Variants in CTCFL observed in about 807,000 individuals in gnomAD.
CTCFL encodes the protein CCCTC-binding factor like.
A neutral mutation model predicts 67.4 loss-of-function variants in CTCFL; 36 were observed. That is an observed-to-expected ratio of 0.53 (90% confidence interval 0.41 to 0.71). CTCFL has a LOEUF of 0.71. CTCFL is among the 30% of genes least tolerant of loss of function. The probability of loss-of-function intolerance (pLI) is 0.00; values close to 1 mark genes in which losing one functional copy is unlikely to be tolerated. For synonymous variants in CTCFL, 324 were observed against 302.3 expected (o/e 1.07, Z -0.75); for missense variants, 786 against 835.2 (o/e 0.94, Z 0.73).
At chr20:57,525,286 A>AC (rs1408578802), upstream of CTCFL, 2 of 91,820 alleles carry the variant, frequency 2.2e-5, no homozygotes, top group Non-Finnish European at 4.3e-5. Flanking sequence ...GATGAGGAGG[A>AC]CCCCAGAGGG....
intron 3 of CTCFL, 49 bp from the exon 4 acceptor site, chr20:57,519,426 T>C: frequency 6.5e-7 from 1 of 1,528,244 alleles, no homozygotes; most frequent in Non-Finnish European, 9.0e-7. Context: ...CAAATTCCAT[T>C]TAAATACTTG....
At position 57,514,744 on chromosome 20, in the gene CTCFL, G is replaced by A. The variant is rs763493183; in HGVS notation, c.1181-3C>T. 2.5e-6 allele frequency: 4 copies of A among 1,613,752 alleles called. No individual in the cohort carries two copies. Among genetic ancestry groups the A allele is most frequent in the Middle Eastern group, 1.6e-4 (1 of 6,062 alleles). ...GTGGCATTCGTAAGGCTTCTCACCTGAGATGCAGACAACAAAGTGATTCCC... is the reference window on the plus strand; with the variant it reads ...GTGGCATTCGTAAGGCTTCTCACCTAAGATGCAGACAACAAAGTGATTCCC... On this transcript the variant is annotated splice_region_variant and splice_polypyrimidine_tract_variant and intron_variant, in intron 6 of 10. Transcript: ENST00000243914.
chr20:57,520,280 A>G (rs1054998342), intron 3 of CTCFL, among the ~76,000 whole-genome samples: 3 of 152,214 alleles, frequency 2.0e-5, no homozygotes, highest in Non-Finnish European at 4.4e-5. Context: ...AGATAACAGT[A>G]AAAAGAACCA....
intron 6 of CTCFL, chr20:57,515,023 G>T: frequency 2.4e-6 from 1 of 412,326 alleles, no homozygotes; most frequent in Non-Finnish European, 4.3e-6. Flanking sequence ...TAACCAAGAA[G>T]TACACATAAA....
chr20:57,524,329 C>T (rs551235133), intron 1 of CTCFL, 113 bp from the exon 2 acceptor site: 2 of 1,505,410 alleles, frequency 1.3e-6, no homozygotes, highest in East Asian at 4.5e-5. Context: ...AAGGTCTGGC[C>T]TCAAAAGGTT....
In CTCFL at chr20:57,523,927, C is replaced by T. The variant is rs550216801; in HGVS notation, c.279G>A (p.Glu93=). The T allele has an allele frequency of 2.4e-5, 39 of 1,613,152 alleles. No homozygotes were observed. The highest frequency in any genetic ancestry group is 8.3e-5 in the Admixed American group (5 of 60,024). The part of the protein sequence containing the change: ...QTVHFTSEAV[E]LQDMSLLSIQ... Reference sequence around the variant, plus strand: ...TGCTCAGCAAGCTCATATCCTGCAACTCCACAGCTTCAGAAGTGAAGTGCA... The same window carrying T: ...TGCTCAGCAAGCTCATATCCTGCAATTCCACAGCTTCAGAAGTGAAGTGCA... The change falls in exon 2 of 11, where the codon GAG becomes GAA. Residue 93 remains glutamate, a synonymous_variant. Transcript: ENST00000243914.
Position 57,497,929 on chromosome 20 carries a change from T to C in CTCFL, c.*621A>G, listed in dbSNP as rs2067749735. ...CTTATTTTCTAGTCTAATCTAGTAT[T>C]TCATTTCCTACTCAGTTTTCCTTTT... is the stretch of plus-strand genomic sequence containing the variant. On this transcript the variant is annotated 3_prime_UTR_variant, in exon 11 of 11. Coordinates refer to ENST00000243914, the MANE Select transcript of CTCFL (RefSeq NM_001386993.1). 8 of 950,500 alleles carry C rather than the reference T, an allele frequency of 8.4e-6. No individual in the cohort carries two copies. The highest frequency in any genetic ancestry group is 5.3e-5 in the African/African-American group (3 of 56,294). 58.9% of individuals were successfully genotyped at this position (950,500 alleles called of 1,614,324 possible). A position where few individuals can be genotyped will look rare whatever the true frequency, so the allele number is the denominator to read the frequency against.
chr20:57,502,180 G>T (rs118121967), intron 10 of CTCFL, among the ~76,000 whole-genome samples: 40 of 152,326 alleles, frequency 2.6e-4, no homozygotes, highest in Non-Finnish European at 4.6e-4. Context: ...CAGGCCGGGG[G>T]CACACCCAGG....
chr20:57,514,895 A>AG, intron 6 of CTCFL, 154 bp from the exon 7 acceptor site: 1 of 706,240 alleles, frequency 1.4e-6, no homozygotes, highest in Non-Finnish European at 2.3e-6. Context: ...TCCCAAATCA[A>AG]GCCCAGACAG....
At chr20:57,509,454 G>T (rs898459909) in intron 8 of CTCFL, among the ~76,000 whole-genome samples, 4 of 151,754 alleles carry the variant, frequency 2.6e-5, no homozygotes, top group Non-Finnish European at 5.9e-5. Context: ...GTAGAGACAG[G>T]GTCTCACTAT....
At chr20:57,517,335 T>A (rs2069003460) in intron 5 of CTCFL, among the ~76,000 whole-genome samples, 1 of 143,228 alleles carries the variant, frequency 7.0e-6, no homozygotes, top group Non-Finnish European at 1.5e-5. Context: ...CAGACTGGAG[T>A]GCGCGATTTC....
Position 57,515,714 on chromosome 20 carries a change from C to T in CTCFL, c.1180G>A (p.Gly394Ser). 6.2e-7 allele frequency: 1 copy of T among 1,614,170 alleles called. No individual in the cohort carries two copies. Among genetic ancestry groups the T allele is most frequent in the Non-Finnish European group, 8.5e-7 (1 of 1,180,022 alleles). The change falls in exon 6 of 11, where the codon GGT becomes AGT. Residue 394 changes from glycine (G) to serine (S), a missense_variant and splice_region_variant. By Grantham distance (56) the Gly-to-Ser change is moderately conservative. This residue lies in a region of CTCFL where 254 missense variants were observed against 333.9 expected (regional missense o/e 0.76). Transcript: ENST00000243914. ...KLKRHMRTHS[G>S]EKPYECHICH... ...AGGCCTTCAGCACCAGAGCCCTTAC[C>T]TGAGTGCGTTCTCATGTGGCGTTTC...
intron 9 of CTCFL, among the ~76,000 whole-genome samples, chr20:57,505,028 T>A (rs2068121540): frequency 6.6e-6 from 1 of 151,826 alleles, no homozygotes; most frequent in African/African-American, 2.4e-5. Flanking sequence ...AGACCCCAGT[T>A]TGGTTCTATA....
At position 57,498,673 on chromosome 20, in the gene CTCFL, C is replaced by T. The variant is rs758629402; in HGVS notation, c.1869G>A (p.Thr623=). The change falls in exon 11 of 11, where the codon ACG becomes ACA. Residue 623 remains threonine (T), a synonymous_variant. Coordinates refer to ENST00000243914, the MANE Select transcript of CTCFL (RefSeq NM_001386993.1). ...TCTCTCCTGGGAACTGTTCTCCCTTCGTGGTGGAAGCCTCCTCAGCAGCAG... is the reference window on the plus strand; with the variant it reads ...TCTCTCCTGGGAACTGTTCTCCCTTTGTGGTGGAAGCCTCCTCAGCAGCAG... ...DEAAAEEAST[T]KGEQFPGEMF... is the part of the protein sequence containing the mutation. 7.4e-6 allele frequency: 12 copies of T among 1,613,730 alleles called. No homozygotes were observed. The highest frequency in any genetic ancestry group is 3.3e-5 in the Admixed American group (2 of 59,952).
rs753318139 is a variant in CTCFL, at chr20:57,519,231, G to A, written c.901C>T (p.Arg301Trp). The A allele has an allele frequency of 1.5e-5, 25 of 1,614,148 alleles. No homozygotes were observed. The highest frequency in any genetic ancestry group is 2.2e-5 in the East Asian group (1 of 44,890). The change falls in exon 4 of 11, where the codon CGG becomes TGG. Residue 301 changes from arginine to tryptophan, a missense_variant. Coordinates refer to ENST00000243914, the MANE Select transcript of CTCFL (RefSeq NM_001386993.1). ...LKTFRTVTLL[R>W]NHVNTHTGTR... Reference sequence around the variant, plus strand: ...CCTGTGTGGGTGTTAACATGGTTCCGCAGCAGAGTGACCGTACGGAAGGTT... The same window carrying A: ...CCTGTGTGGGTGTTAACATGGTTCCACAGCAGAGTGACCGTACGGAAGGTT...
chr20:57,514,107 G>A (rs2068744870), intron 7 of CTCFL, among the ~76,000 whole-genome samples: 1 of 152,164 alleles, frequency 6.6e-6, no homozygotes, highest in African/African-American at 2.4e-5. Flanking sequence ...CTGTCTTAAG[G>A]GGAAAACTGT....
chr20:57,519,355 A>G lies in CTCFL; in HGVS notation c.777T>C (p.Cys259=). The change falls in exon 4 of 11, where the codon TGT becomes TGC. Residue 259 remains cysteine, a synonymous_variant. Coordinates refer to ENST00000243914, the MANE Select transcript of CTCFL (RefSeq NM_001386993.1). ...KTKGAKGTFH[C]DVCMFTSSRM... ...TAGAAGAGGTGAACATGCAGACATC[A>G]CAGTGGAAGGTTCCTTTTGCTCCTA... The G allele has an allele frequency of 6.2e-7, 1 of 1,614,110 alleles. No individual in the cohort carries two copies. The highest frequency in any genetic ancestry group is 8.5e-7 in the Non-Finnish European group (1 of 1,179,980).
intron 8 of CTCFL, among the ~76,000 whole-genome samples, chr20:57,509,315 TCGCTCTGTCA>T (rs1312756313): frequency 1.3e-5 from 2 of 148,850 alleles, no homozygotes; most frequent in Non-Finnish European, 3.0e-5. Context: ...AGACAGGGTC[TCGCTCTGTCA>T]CAATCATAGC....
chr20:57,507,592 C>T, intron 9 of CTCFL: 1 of 702,984 alleles, frequency 1.4e-6, no homozygotes, highest in East Asian at 2.7e-5. Flanking sequence ...CTCAAGCAGC[C>T]CTGCAGAGAG....
Sources: gnomAD v4.1 joint callset for allele counts (sites outside exome capture counted in the v4.1 genomes callset) on GRCh38, gnomAD v4.1.1 for gene constraint, gnomAD v4.1.1 regional missense constraint, MANE v1.5 for transcripts, NCBI Gene and HGNC (gene_info 2026-07-23, HGNC 2026-07-21) for gene names.